Variants in SLC17A9 observed in about 807,000 individuals in gnomAD.
SLC17A9 encodes the protein voltage-gated purine nucleotide uniporter SLC17A9.
Under a neutral mutation model 55.0 loss-of-function variants are expected in SLC17A9, and 49 were observed. The observed-to-expected ratio is 0.89, with a 90% CI of 0.71 to 1.13. SLC17A9 has a LOEUF of 1.13. Among genes scored for constraint, SLC17A9 ranks in the 50% most tolerant of loss-of-function variants. The probability of loss-of-function intolerance (pLI) is 0.00; values close to 1 mark genes in which losing one functional copy is unlikely to be tolerated. For missense variants in SLC17A9, 526 were observed against 569.3 expected (o/e 0.92, Z 0.77); for synonymous variants, 256 against 247.4 (o/e 1.03, Z -0.32).
chr20:62,967,222 C>T (rs3746751), intron 12 of SLC17A9, 115 bp from the exon 13 acceptor site: 895,337 of 1,266,554 alleles, frequency 0.71, 317,451 homozygotes, highest in East Asian at 0.75. Context: ...CATGGGGGCT[C>T]CTATCAGGCG....
Position 62,964,253 on chromosome 20 carries a change from G to A in SLC17A9, c.848G>A (p.Trp283Ter). Reference sequence around the variant, plus strand: ...GGCTGGATCTTCAACGTGGTTCCTTGGTTGGTGGCGATTCCGGCCAGTCTA... The same window carrying A: ...GGCTGGATCTTCAACGTGGTTCCTTAGTTGGTGGCGATTCCGGCCAGTCTA... ...AKGWIFNVVP[W>*]LVAIPASLFS... The change falls in exon 8 of 13, where the codon TGG becomes TAG. Residue 283 changes from tryptophan (W) to a stop codon, truncating the protein, a stop_gained. Coordinates refer to ENST00000370351, the MANE Select transcript of SLC17A9 (RefSeq NM_022082.4). LOFTEE classifies it high-confidence loss of function. The A allele has an allele frequency of 1.2e-6, 2 of 1,614,244 alleles. No homozygotes were observed. Among genetic ancestry groups the A allele is most frequent in the Non-Finnish European group, 1.7e-6 (2 of 1,180,034 alleles).
intron 1 of SLC17A9, chr20:62,953,189 C>G (rs1271579431): frequency 1.3e-6 from 2 of 1,550,336 alleles, no homozygotes; most frequent in Admixed American, 2.0e-5. Context: ...CCTGGACAGT[C>G]AGGAGGCATA....
rs887309009 is a variant in SLC17A9 at position 62,965,801 on chromosome 20, C to T, written c.1061+76C>T. ...GAGGCCCGCACATGTGAAGAGGGAG[C>T]TCTGTCCGCCTCTCTCAGTCTCTTC... On this transcript the variant is annotated intron_variant, in intron 10 of 12. Transcript: ENST00000370351. 20 of 1,319,582 alleles carry T rather than the reference C, an allele frequency of 1.5e-5. No individual in the cohort carries two copies. The East Asian group carries it at 4.1e-4, about 27-fold the overall frequency. 81.7% of individuals were successfully genotyped at this position (1,319,582 alleles called of 1,614,324 possible).
chr20:62,964,943 A>T, intron 8 of SLC17A9, 189 bp from the exon 9 acceptor site: 1 of 617,238 alleles, frequency 1.6e-6, no homozygotes, highest in Non-Finnish European at 2.9e-6. Flanking sequence ...AAAGGCGCAC[A>T]TGCGGCCTCG....
chr20:62,952,910 G>T (rs1307274588), intron 1 of SLC17A9, 21 bp downstream of exon 1: 5 of 1,423,354 alleles, frequency 3.5e-6, no homozygotes, highest in South Asian at 1.4e-5. Flanking sequence ...GGTGAGGGGA[G>T]GGGGGGTGGG....
intron 1 of SLC17A9, among the ~76,000 whole-genome samples, chr20:62,953,966 G>A (rs1248895885): frequency 6.6e-6 from 1 of 152,254 alleles, no homozygotes; most frequent in Non-Finnish European, 1.5e-5. Context: ...GGCCTGCCGG[G>A]CAGGGCCAGC....
Position 62,962,326 on chromosome 20 carries a change from A to G in SLC17A9, c.498-298A>G. Reference sequence around the variant, plus strand: ...CATGACAAATTGTAGGCCAATTGGAAGGCCTAGAAGCAAGATGTGAAAAAC... The same window carrying G: ...CATGACAAATTGTAGGCCAATTGGAGGGCCTAGAAGCAAGATGTGAAAAAC... On this transcript the variant is annotated intron_variant, in intron 4 of 12. Coordinates refer to ENST00000370351, the MANE Select transcript of SLC17A9 (RefSeq NM_022082.4). This position sits in a 1 kb window ranked among gnomAD's most constrained non-coding sequence, Gnocchi z 5.5. The G allele has an allele frequency of 4.0e-6, 1 of 248,352 alleles. No homozygotes were observed. The highest frequency in any genetic ancestry group is 1.3e-3 in the Middle Eastern group (1 of 754). The allele number at this position is 248,352 out of a possible 1,614,324, so 15.4% of individuals were successfully genotyped here. A position where few individuals can be genotyped will look rare whatever the true frequency, so the allele number is the denominator to read the frequency against.
chr20:62,965,492 G>A (rs927019621), intron 9 of SLC17A9, 118 bp from the exon 10 acceptor site: 23 of 957,516 alleles, frequency 2.4e-5, no homozygotes, highest in South Asian at 1.2e-4. Context: ...GTTTGTGGTC[G>A]CAGCCAACCT....
At chr20:62,957,941 A>G (rs1056401250) in intron 3 of SLC17A9, among the ~76,000 whole-genome samples, 1 of 152,012 alleles carries the variant, frequency 6.6e-6, no homozygotes, top group African/African-American at 2.4e-5. Context: ...ATGTCCCTGC[A>G]GACACGTGTA....
chr20:62,964,978 G>T, intron 8 of SLC17A9, 154 bp from the exon 9 acceptor site: 1 of 802,902 alleles, frequency 1.2e-6, no homozygotes, highest in Non-Finnish European at 2.1e-6. Context: ...ATGCGTGTGT[G>T]CACACGTTTT....
chr20:62,956,613 A>T, intron 1 of SLC17A9, 152 bp from the exon 2 acceptor site: 1 of 684,428 alleles, frequency 1.5e-6, no homozygotes, highest in Non-Finnish European at 2.4e-6. Context: ...AGGTGCGATT[A>T]GGTGTTTGAA....
In SLC17A9 at chr20:62,965,592, G is replaced by C; in HGVS notation, c.946-18G>C. 6.2e-7 allele frequency: 1 copy of C among 1,608,302 alleles called. No homozygotes were observed. Among genetic ancestry groups the C allele is most frequent in the Non-Finnish European group, 8.5e-7 (1 of 1,178,840 alleles). On this transcript the variant is annotated intron_variant, in intron 9 of 12. Coordinates refer to ENST00000370351, the MANE Select transcript of SLC17A9 (RefSeq NM_022082.4). ...GGCGGGCTGGGTGCCTCTCCGTCACGGTGGCGCTTTCCTGCAGGGCATGGG... is the reference window on the plus strand; with the variant it reads ...GGCGGGCTGGGTGCCTCTCCGTCACCGTGGCGCTTTCCTGCAGGGCATGGG...
rs2065662148 is a variant in SLC17A9, at chr20:62,968,980, C to G, written c.*1480C>G. On this transcript the variant is annotated 3_prime_UTR_variant, in exon 13 of 13. Transcript: ENST00000370351. ...TCTCTCCAGTTTCGGTCAGCCCAAC[C>G]CTGTGGCACCATGGGTACAGCCTAG... 1 of 152,298 alleles carries G rather than the reference C, an allele frequency of 6.6e-6. No individual in the cohort carries two copies. Among genetic ancestry groups the G allele is most frequent in the Non-Finnish European group, 1.5e-5 (1 of 68,096 alleles). 9.4% of individuals were successfully genotyped at this position (152,298 alleles called of 1,614,324 possible). A position where few individuals can be genotyped will look rare whatever the true frequency, so the allele number is the denominator to read the frequency against.
intron 2 of SLC17A9, 140 bp downstream of exon 2, chr20:62,957,102 C>G: frequency 7.5e-7 from 1 of 1,331,452 alleles, no homozygotes; most frequent in Non-Finnish European, 1.0e-6. Context: ...GAGGATGCGA[C>G]TCCTGGGGAA....
chr20:62,963,393 C>A, intron 6 of SLC17A9, 24 bp downstream of exon 6: 1 of 1,609,258 alleles, frequency 6.2e-7, no homozygotes, highest in Non-Finnish European at 8.5e-7. Context: ...TGTGCCACCC[C>A]TTGGAGCAGC....
intron 1 of SLC17A9, among the ~76,000 whole-genome samples, chr20:62,956,317 G>T (rs1459240612): frequency 6.6e-6 from 1 of 152,204 alleles, no homozygotes; most frequent in Non-Finnish European, 1.5e-5. Flanking sequence ...TCTGGGGCAG[G>T]TTCTTGGGAG....
intron 4 of SLC17A9, among the ~76,000 whole-genome samples, chr20:62,961,959 G>A (rs575686670): frequency 6.6e-6 from 1 of 152,278 alleles, no homozygotes; most frequent in South Asian, 2.1e-4. Flanking sequence ...GGCCCCATCT[G>A]GATGCCAGGC....
rs199876364 is a variant in SLC17A9, at chr20:62,964,245, G to A, written c.840G>A (p.Val280=). 1.1e-3 allele frequency: 1,813 copies of A among 1,614,176 alleles called. 2 individuals are homozygous for A. Among genetic ancestry groups the A allele is most frequent in the Non-Finnish European group, 1.4e-3 (1,664 of 1,180,010 alleles). The change falls in exon 8 of 13, where the codon GTG becomes GTA. Residue 280 remains valine, a synonymous_variant. Coordinates refer to ENST00000370351, the MANE Select transcript of SLC17A9 (RefSeq NM_022082.4). ...FPDAKGWIFN[V]VPWLVAIPAS... Reference sequence around the variant, plus strand: ...CCCTGCAGGGCTGGATCTTCAACGTGGTTCCTTGGTTGGTGGCGATTCCGG... The same window carrying A: ...CCCTGCAGGGCTGGATCTTCAACGTAGTTCCTTGGTTGGTGGCGATTCCGG...
At chr20:62,959,745 C>T (rs2065573230) in intron 3 of SLC17A9, among the ~76,000 whole-genome samples, 1 of 152,254 alleles carries the variant, frequency 6.6e-6, no homozygotes, top group South Asian at 2.1e-4. Flanking sequence ...CTGTGTGTGG[C>T]CGTCTGTTTG....
Sources: allele counts gnomAD v4.1 joint callset (sites outside exome capture counted in the v4.1 genomes callset), GRCh38; gene constraint gnomAD v4.1.1; non-coding constraint Gnocchi (gnomAD v3.1); transcripts MANE v1.5; gene names NCBI Gene and HGNC (gene_info 2026-07-23, HGNC 2026-07-21).